The following NOS1AP variants were observed in gnomAD, a reference collection of about 807,000 sequenced individuals.
NOS1AP encodes carboxyl-terminal PDZ ligand of neuronal nitric oxide synthase protein.
In NOS1AP, 21 loss-of-function variants were observed where a neutral mutation model predicts 56.2. That is an observed-to-expected ratio of 0.37 (90% CI 0.26 to 0.54). The LOEUF is 0.54. Among genes scored for constraint, NOS1AP ranks in the 20% least tolerant of loss-of-function variants. NOS1AP has a pLI of 0.84. For missense variants in NOS1AP, 522 were observed against 657.8 expected, an observed-to-expected ratio of 0.79 and a Z score of 2.26; for synonymous variants, 270 against 274.6, an observed-to-expected ratio of 0.98 and a Z score of 0.17.
At position 162,345,313 on chromosome 1, in the gene NOS1AP, C is replaced by A. The variant is rs868244058; in HGVS notation, c.595+1337C>A. Among the ~76,000 whole-genome samples, 8 of 124,828 alleles carry A rather than the reference C, an allele frequency of 6.4e-5. No homozygotes were observed. In the South Asian group the frequency reaches 1.9e-3, roughly 30 times the overall value. The allele number at this position is 124,828 out of a possible 152,430, so 81.9% of individuals were successfully genotyped here. A position where few individuals can be genotyped will look rare whatever the true frequency, so the allele number is the denominator to read the frequency against. ...CAAAGCTATCCCTCCCCCCTCCCCCCACCCCACAACAGTCCCCAGAGTGTG... is the reference window on the plus strand; with the variant it reads ...CAAAGCTATCCCTCCCCCCTCCCCCAACCCCACAACAGTCCCCAGAGTGTG... On this transcript the variant is annotated intron_variant, in intron 6 of 9. Transcript: ENST00000361897.
intron 4 of NOS1AP, among the ~76,000 whole-genome samples, chr1:162,302,515 C>T (rs545658139): frequency 1.3e-4 from 20 of 152,224 alleles, no homozygotes; most frequent in African/African-American, 4.8e-4. Flanking sequence ...TTTCTTAATG[C>T]TGGCACCATA....
intron 4 of NOS1AP, among the ~76,000 whole-genome samples, chr1:162,301,439 A>AG (rs1655650134): frequency 6.6e-6 from 1 of 152,248 alleles, no homozygotes; most frequent in Non-Finnish European, 1.5e-5. Flanking sequence ...CCCAGACTCC[A>AG]GGACTGTGAA....
At chr1:162,127,525 TATAAAAA>T (rs1648543031) in intron 1 of NOS1AP, among the ~76,000 whole-genome samples, 1 of 147,640 alleles carries the variant, frequency 6.8e-6, no homozygotes, top group East Asian at 1.9e-4. Flanking sequence ...CTGGGTACTT[TATAAAAA>T]AAAAAAAAAA....
chr1:162,127,722 C>T (rs1648551195), intron 1 of NOS1AP, among the ~76,000 whole-genome samples: 1 of 152,102 alleles, frequency 6.6e-6, no homozygotes, highest in African/African-American at 2.4e-5. Flanking sequence ...TTTTAAATGA[C>T]CAGATCTCAT....
At chr1:162,073,517 A>G (rs1030846653) in intron 1 of NOS1AP, among the ~76,000 whole-genome samples, 1 of 152,084 alleles carries the variant, frequency 6.6e-6, no homozygotes, top group African/African-American at 2.4e-5. Flanking sequence ...CTGGAGTGCA[A>G]TGGCATGATC....
intron 1 of NOS1AP, 41 bp from the exon 2 acceptor site, chr1:162,154,364 G>A: frequency 6.3e-7 from 1 of 1,595,480 alleles, no homozygotes; most frequent in Non-Finnish European, 8.6e-7. Context: ...AGGGACACTT[G>A]CTACCCCTCC....
intron 2 of NOS1AP, 146 bp downstream of exon 2, chr1:162,154,622 T>A: frequency 1.5e-6 from 1 of 655,992 alleles, no homozygotes; most frequent in South Asian, 1.8e-5. Context: ...TAGGTAGCTG[T>A]TCTGAATTGA....
intron 2 of NOS1AP, among the ~76,000 whole-genome samples, chr1:162,218,527 T>C (rs897097658): frequency 6.6e-6 from 1 of 152,204 alleles, no homozygotes; most frequent in African/African-American, 2.4e-5. Context: ...TCACCCTGCA[T>C]AGGTCCTGCA....
intron 2 of NOS1AP, among the ~76,000 whole-genome samples, chr1:162,256,435 T>A (rs1336825657): frequency 1.3e-5 from 2 of 152,216 alleles, no homozygotes; most frequent in Non-Finnish European, 2.9e-5. Context: ...TCCTTGGGAT[T>A]TTCCCTTGTT....
chr1:162,171,593 T>C (rs1386569080), intron 2 of NOS1AP, among the ~76,000 whole-genome samples: 1 of 152,184 alleles, frequency 6.6e-6, no homozygotes, highest in Non-Finnish European at 1.5e-5. Flanking sequence ...AATCTTTGTC[T>C]CAGCCATCCC....
At chr1:162,364,102 C>G in intron 8 of NOS1AP, 3 of 985,374 alleles carry the variant, frequency 3.0e-6, no homozygotes, top group Non-Finnish European at 3.6e-6. Flanking sequence ...GCCCTTTACT[C>G]CCTAAAAAAA....
intron 2 of NOS1AP, among the ~76,000 whole-genome samples, chr1:162,267,911 T>C (rs1348899266): frequency 1.3e-5 from 2 of 152,156 alleles, no homozygotes; most frequent in Non-Finnish European, 2.9e-5. Flanking sequence ...TTGAAAGGCT[T>C]AAGATGTTAG....
At chr1:162,346,627 A>T (rs546626374) in intron 6 of NOS1AP, among the ~76,000 whole-genome samples, 4 of 152,366 alleles carry the variant, frequency 2.6e-5, no homozygotes, top group South Asian at 4.1e-4. Flanking sequence ...ATCCTGGGAA[A>T]AGGAACTGGG....
intron 1 of NOS1AP, among the ~76,000 whole-genome samples, chr1:162,125,959 T>A (rs1359378824): frequency 6.6e-6 from 1 of 152,188 alleles, no homozygotes; most frequent in Non-Finnish European, 1.5e-5. Context: ...TCAGCAGCAT[T>A]TGGTAGTTCT....
chr1:162,099,896 C>T (rs1010002589), intron 1 of NOS1AP, among the ~76,000 whole-genome samples: 16 of 151,116 alleles, frequency 1.1e-4, no homozygotes, highest in African/African-American at 3.2e-4. Context: ...GGTTTTTTGT[C>T]CTTGCGATAG....
intron 2 of NOS1AP, among the ~76,000 whole-genome samples, chr1:162,178,316 G>C (rs911627139): frequency 1.3e-5 from 2 of 152,320 alleles, no homozygotes; most frequent in Middle Eastern, 3.4e-3. Flanking sequence ...ACATCTGTGA[G>C]CAGCTTTTTG....
chr1:162,174,983 T>A (rs190888968), intron 2 of NOS1AP, among the ~76,000 whole-genome samples: 1 of 152,346 alleles, frequency 6.6e-6, no homozygotes, highest in African/African-American at 2.4e-5. Flanking sequence ...TCCTCATGGT[T>A]AATATGTTTT....
At chr1:162,139,987 G>A (rs578178277) in intron 1 of NOS1AP, among the ~76,000 whole-genome samples, 8 of 152,076 alleles carry the variant, frequency 5.3e-5, no homozygotes, top group Admixed American at 1.3e-4. Context: ...ACCACCACAC[G>A]CAGCTAATTT....
rs1651531065 is a variant in NOS1AP at position 162,188,969 on chromosome 1, A to G, written c.177+34493A>G. Among the ~76,000 whole-genome samples, 3 of 152,178 alleles carry G rather than the reference A, an allele frequency of 2.0e-5. No homozygotes were observed. In the South Asian group the frequency reaches 6.2e-4, roughly 32 times the overall value. Reference sequence around the variant, plus strand: ...CTACACAGGAGGCTGAGGCAGGAGAATCACTTGAACCCAAGAAGCGGAGGT... The same window carrying G: ...CTACACAGGAGGCTGAGGCAGGAGAGTCACTTGAACCCAAGAAGCGGAGGT... On this transcript the variant is annotated intron_variant, in intron 2 of 9. Transcript: ENST00000361897. The surrounding 1 kb of genome is among the most constrained non-coding windows in gnomAD (Gnocchi z 4.0).
Sources: allele counts gnomAD v4.1 joint callset (sites outside exome capture counted in the v4.1 genomes callset), GRCh38; gene constraint gnomAD v4.1.1; non-coding constraint Gnocchi (gnomAD v3.1); transcripts MANE v1.5; gene names NCBI Gene and HGNC (gene_info 2026-07-23, HGNC 2026-07-21).